Variants in XDH observed in about 807,000 individuals in gnomAD.
XDH encodes the protein xanthine dehydrogenase/oxidase.
Under a neutral mutation model 156.1 loss-of-function variants are expected in XDH, and 138 were observed. The observed-to-expected ratio is 0.88, with a 90% CI of 0.77 to 1.02. XDH has a LOEUF of 1.02. Ranked by LOEUF, XDH falls within the 50% of genes least tolerant of loss-of-function variation. The pLI is 0.00. For missense variants in XDH, 1,849 were observed against 1,684.9 expected (o/e 1.10, Z -1.71); for synonymous variants, 669 against 625.7 (o/e 1.07, Z -1.03).
At chr2:31,358,702 C>G (rs1165174173) in intron 24 of XDH, among the ~76,000 whole-genome samples, 1 of 152,046 alleles carries the variant, frequency 6.6e-6, no homozygotes, top group African/African-American at 2.4e-5. Context: ...TGACAAAATT[C>G]AACACCCATT....
intron 15 of XDH, among the ~76,000 whole-genome samples, chr2:31,375,011 CTTTCTTTCTTTCT>C (rs1294069746): frequency 9.1e-6 from 1 of 109,902 alleles, no homozygotes; most frequent in Non-Finnish European, 1.7e-5. Flanking sequence ...TTCTTTCTTT[CTTTCTTTCTTTCT>C]TTTTTTTTTT....
chr2:31,386,466 G>T lies in XDH; in HGVS notation c.741C>A (p.Asp247Glu), dbSNP rs1572554204. 1.2e-6 allele frequency: 2 copies of T among 1,614,010 alleles called. No individual in the cohort carries two copies. The highest frequency in any genetic ancestry group is 1.7e-6 in the Non-Finnish European group (2 of 1,180,014). The change falls in exon 9 of 36, where the codon GAC (aspartate) becomes GAA (glutamate). Residue 247 changes from aspartate (D) to glutamate (E), a missense_variant. By Grantham distance (45) the Asp-to-Glu change is conservative (BLOSUM62 2). Transcript: ENST00000379416. ...IQASTLKELL[D>E]LKAQHPDAKL... is the part of the protein sequence containing the mutation. ...TGGCGTCAGGGTGCTGAGCCTTGAG[G>T]TCCAGCAGCTCCTTGAGGGTTGAGG...
rs2148004147 is a variant in XDH, at chr2:31,398,681, G to A, written c.325C>T (p.His109Tyr). 1.9e-6 allele frequency: 3 copies of A among 1,614,058 alleles called. No homozygotes were observed. Among genetic ancestry groups the A allele is most frequent in the East Asian group, 2.2e-5 (1 of 44,868 alleles). Residue 109 changes from histidine to tyrosine, a missense_variant, in exon 5 of 36, where the codon CAC becomes TAC. Physicochemically the swap from His to Tyr is moderately conservative, Grantham distance 83 (BLOSUM62 2). Coordinates refer to ENST00000379416, the MANE Select transcript of XDH (RefSeq NM_000379.4). ...HPVQERIAKS[H>Y]GSQCGFCTPG... The stretch of plus-strand genomic sequence containing the variant: ...GTGCAGAACCCGCACTGGGAGCCGT[G>A]GCTTTTGGCAATTCTCTCCTAAAAG...
At chr2:31,347,186 A>C (rs1263300705) in intron 29 of XDH, among the ~76,000 whole-genome samples, 3 of 152,146 alleles carry the variant, frequency 2.0e-5, no homozygotes, top group African/African-American at 7.2e-5. Flanking sequence ...AGTGTGGCCA[A>C]CCTGCCTCTA....
chr2:31,377,382 T>G (rs1558696075), intron 13 of XDH, 145 bp from the exon 14 acceptor site: 7 of 855,016 alleles, frequency 8.2e-6, no homozygotes, highest in Non-Finnish European at 1.3e-5. Context: ...GAATCAAAGA[T>G]CAAATGTAAC....
intron 28 of XDH, 59 bp downstream of exon 28, chr2:31,348,209 A>C (rs529609773): frequency 6.4e-7 from 1 of 1,569,980 alleles, no homozygotes; most frequent in Admixed American, 1.7e-5. Flanking sequence ...CCCACTGCTC[A>C]ATTTCTTATA....
rs76111108 is a variant in XDH, at chr2:31,394,838, G to A, written c.495+2830C>T. Among the ~76,000 whole-genome samples, 1,325 of 152,222 alleles carry A rather than the reference G, an allele frequency of 8.7e-3. 15 individuals carry two copies. The highest frequency in any genetic ancestry group is 0.041 in the South Asian group (197 of 4,816). ...CAGTCTACTAATGAGCCCACCGAAG[G>A]TAGTCTTCAATTTGTTATAAGCGTT... On this transcript the variant is annotated intron_variant, in intron 6 of 35. Transcript: ENST00000379416.
rs2281550 is a variant in XDH at position 31,367,893 on chromosome 2, C to T, written c.2197+68G>A. 469,115 of 1,426,534 alleles carry T rather than the reference C, an allele frequency of 0.33. 79,084 individuals are homozygous for T. Among genetic ancestry groups the T allele is most frequent in the Non-Finnish European group, 0.34 (345,110 of 1,009,306 alleles). The allele number at this position is 1,426,534 out of a possible 1,614,324, so 88.4% of individuals were successfully genotyped here. ...CACTTCCCTGCTTCAGGGTTCAATG[C>T]ATATCTCTTGAATTTAATTTGCAAA... On this transcript the variant is annotated intron_variant, in intron 20 of 35. Coordinates refer to ENST00000379416, the MANE Select transcript of XDH (RefSeq NM_000379.4).
chr2:31,350,992 C>CT (rs1327740443), intron 24 of XDH, among the ~76,000 whole-genome samples: 2 of 152,158 alleles, frequency 1.3e-5, no homozygotes, highest in Non-Finnish European at 2.9e-5. Flanking sequence ...TTTAGATAAA[C>CT]TTATACGTCT....
chr2:31,360,505 CAAAA>C (rs1335356516), intron 24 of XDH, among the ~76,000 whole-genome samples: 1 of 151,690 alleles, frequency 6.6e-6, no homozygotes, highest in Non-Finnish European at 1.5e-5. Context: ...CATCTCAAAA[CAAAA>C]AATAAATAAA....
At chr2:31,357,359 A>C (rs1158221432) in intron 24 of XDH, among the ~76,000 whole-genome samples, 2 of 152,202 alleles carry the variant, frequency 1.3e-5, no homozygotes, top group African/African-American at 2.4e-5. Context: ...AAGACAGAAA[A>C]ACAAAGTGAA....
intron 1 of XDH, among the ~76,000 whole-genome samples, chr2:31,406,582 T>C (rs1018528155): frequency 6.6e-6 from 1 of 152,226 alleles, no homozygotes; most frequent in Non-Finnish European, 1.5e-5. Flanking sequence ...CCTTAAATTC[T>C]AAAATTGTAC....
In XDH at chr2:31,385,753, C is replaced by T. The variant is rs376544958; in HGVS notation, c.793+661G>A. Among the ~76,000 whole-genome samples, 35 of 152,348 alleles carry T rather than the reference C, an allele frequency of 2.3e-4. No homozygotes were observed. In the South Asian group the frequency reaches 4.3e-3, roughly 19 times the overall value. On this transcript the variant is annotated intron_variant, in intron 9 of 35. Coordinates refer to ENST00000379416, the MANE Select transcript of XDH (RefSeq NM_000379.4). ...TGTTCAACTATTCCAGGCCTCACGT[C>T]CTAGGTGGTAGCACTGACAGGGCAG... is the stretch of plus-strand genomic sequence containing the variant.
At chr2:31,374,940 C>T (rs751235924) in intron 15 of XDH, among the ~76,000 whole-genome samples, 3 of 152,024 alleles carry the variant, frequency 2.0e-5, no homozygotes, top group Non-Finnish European at 2.9e-5. Context: ...CCCCACCTGA[C>T]ATTCCCATTC....
rs939007530 is a variant in XDH, at chr2:31,399,318, G to A, written c.307-619C>T. On this transcript the variant is annotated intron_variant, in intron 4 of 35. Coordinates refer to ENST00000379416, the MANE Select transcript of XDH (RefSeq NM_000379.4). ...CTGAAGTTGTAAATGAGAGTATAGG[G>A]ATGAAGAAGGGGAGGGGCCCAGGTC... 2.0e-5 allele frequency among the ~76,000 whole-genome samples: 3 copies of A among 152,268 alleles called. No individual in the cohort carries two copies. In the East Asian group the frequency reaches 5.8e-4, roughly 29 times the overall value.
intron 6 of XDH, 29 bp from the exon 7 acceptor site, chr2:31,388,324 G>C: frequency 6.2e-7 from 1 of 1,610,270 alleles, no homozygotes; most frequent in Non-Finnish European, 8.5e-7. Context: ...TCTGCACAAG[G>C]GTATTTACAA....
intron 17 of XDH, among the ~76,000 whole-genome samples, chr2:31,370,770 T>C (rs928112881): frequency 1.3e-5 from 2 of 152,202 alleles, no homozygotes; most frequent in South Asian, 2.1e-4. Context: ...CAGGTCAAGG[T>C]GGGAGGATCA....
chr2:31,382,176 G>C (rs1381208714), intron 11 of XDH, among the ~76,000 whole-genome samples: 1 of 152,138 alleles, frequency 6.6e-6, no homozygotes, highest in Admixed American at 6.5e-5. Context: ...TCAGATACAG[G>C]GTTCTCGTTA....
intron 1 of XDH, among the ~76,000 whole-genome samples, chr2:31,406,916 C>T (rs1275029249): frequency 2.0e-5 from 3 of 152,136 alleles, no homozygotes; most frequent in Non-Finnish European, 2.9e-5. Context: ...ACCAAAGATC[C>T]ATCACTAGGT....
Sources: gnomAD v4.1 joint callset for allele counts (sites outside exome capture counted in the v4.1 genomes callset) on GRCh38, gnomAD v4.1.1 for gene constraint, MANE v1.5 for transcripts, NCBI Gene and HGNC (gene_info 2026-07-23, HGNC 2026-07-21) for gene names.